The following TAF3 variants were observed in gnomAD, a reference collection of about 807,000 sequenced individuals.
TAF3 encodes TATA-box binding protein associated factor 3, also known as transcription initiation factor TFIID subunit 3.
Under a neutral mutation model 80.6 loss-of-function variants are expected in TAF3, and 7 were observed. The ratio of observed to expected loss-of-function variants is 0.09; its 90% confidence interval spans 0.05 to 0.16. The LOEUF is 0.16. Ranked by LOEUF, TAF3 falls within the 10% of genes least tolerant of loss-of-function variation. The pLI, the probability that TAF3 is intolerant of heterozygous loss-of-function variation, is 1.00. For missense variants in TAF3, 921 were observed against 1,140.2 expected (o/e 0.81, Z 2.77); for synonymous variants, 444 against 446.1 (o/e 1.00, Z 0.06).
chr10:7,824,237 C>A, intron 1 of TAF3, 81 bp from the exon 2 acceptor site: 1 of 1,473,890 alleles, frequency 6.8e-7, no homozygotes, highest in Non-Finnish European at 9.2e-7. Context: ...TGCATATTTA[C>A]TTACTACTTT....
chr10:7,914,037 A>G (rs368549752), intron 2 of TAF3, among the ~76,000 whole-genome samples: 9 of 152,350 alleles, frequency 5.9e-5, no homozygotes, highest in African/African-American at 1.7e-4. Context: ...ACCAATTGCA[A>G]TGTGGTCCTC....
chr10:7,974,516 G>A (rs1284012027), intron 3 of TAF3, among the ~76,000 whole-genome samples: 6 of 152,150 alleles, frequency 3.9e-5, no homozygotes, highest in African/African-American at 1.4e-4. Flanking sequence ...GGGCAGGGAT[G>A]AGATCACTAA....
chr10:7,826,983 A>G (rs967819474), intron 2 of TAF3, among the ~76,000 whole-genome samples: 1 of 152,174 alleles, frequency 6.6e-6, no homozygotes, highest in Non-Finnish European at 1.5e-5. Flanking sequence ...TATTTCCTTA[A>G]GAGCCACAGA....
At position 7,925,820 on chromosome 10, in the gene TAF3, A is replaced by AAGAG. The variant is rs1564364701; in HGVS notation, c.410-38099_410-38098insGAGA. 2.1e-5 allele frequency among the ~76,000 whole-genome samples: 3 copies of AAGAG among 142,770 alleles called. No homozygotes were observed. In the East Asian group the frequency reaches 6.4e-4, roughly 31 times the overall value. 93.7% of individuals were successfully genotyped at this position (142,770 alleles called of 152,430 possible). On this transcript the variant is annotated intron_variant, in intron 2 of 6. Coordinates refer to ENST00000344293, the MANE Select transcript of TAF3 (RefSeq NM_031923.4). The stretch of plus-strand genomic sequence containing the variant: ...TCTCAAAAAAAAAAAAAAGAAAAGA[A>AAGAG]AAGAAAAGAAAAAGGAAGGAAGGAA...
At chr10:7,878,631 C>T (rs534437918) in intron 2 of TAF3, among the ~76,000 whole-genome samples, 1 of 152,110 alleles carries the variant, frequency 6.6e-6, no homozygotes, top group Admixed American at 6.5e-5. Flanking sequence ...AGTGAGAAAC[C>T]CAGAGGCCAC....
intron 4 of TAF3, among the ~76,000 whole-genome samples, chr10:8,004,074 C>T (rs762142894): frequency 3.3e-4 from 50 of 150,618 alleles, no homozygotes; most frequent in Non-Finnish European, 5.8e-4. Context: ...TTTTTGAGAC[C>T]GATTCTTGCT....
chr10:7,924,433 T>C (rs933673909), intron 2 of TAF3, among the ~76,000 whole-genome samples: 1 of 152,188 alleles, frequency 6.6e-6, no homozygotes, highest in Non-Finnish European at 1.5e-5. Context: ...ATTTGGGAGT[T>C]TGAAATTCCC....
intron 2 of TAF3, among the ~76,000 whole-genome samples, chr10:7,929,457 T>A (rs115779339): frequency 0.014 from 2,186 of 152,186 alleles, 56 homozygotes; most frequent in African/African-American, 0.05. Flanking sequence ...GCTGGAGTGC[T>A]CCTGATCTTG....
rs749420041 is a variant in TAF3, at chr10:8,014,723, A to G, written c.2762A>G (p.His921Arg). Residue 921 changes from histidine to arginine, a missense_variant, in exon 7 of 7, where the codon CAC becomes CGC. This residue lies in a region of TAF3 where 29 missense variants were observed against 20.3 expected (regional missense o/e 1.43). Coordinates refer to ENST00000344293, the MANE Select transcript of TAF3 (RefSeq NM_031923.4). Reference protein sequence around the residue: ...KCANKKKDKKHKKRKHRAH With the variant: ...KCANKKKDKKRKKRKHRAH ...GCGAACAAGAAGAAGGACAAAAAGC[A>G]CAAGAAGAGGAAGCATCGAGCCCAC... 6 of 1,607,300 alleles carry G rather than the reference A, an allele frequency of 3.7e-6. No homozygotes were observed. In the East Asian group the frequency reaches 9.0e-5, roughly 24 times the overall value.
At chr10:7,841,302 C>T (rs1836910276) in intron 2 of TAF3, among the ~76,000 whole-genome samples, 2 of 152,198 alleles carry the variant, frequency 1.3e-5, no homozygotes, top group African/African-American at 4.8e-5. Flanking sequence ...AGCCTGCTGT[C>T]TGCAGGCTCA....
intron 2 of TAF3, among the ~76,000 whole-genome samples, chr10:7,950,566 T>G (rs1171386625): frequency 6.6e-6 from 1 of 152,246 alleles, no homozygotes; most frequent in Non-Finnish European, 1.5e-5. Context: ...AAGCAAAATC[T>G]TTTCTTTTAA....
In TAF3 at chr10:7,965,080, A is replaced by G; in HGVS notation, c.1570A>G (p.Lys524Glu). The G allele has an allele frequency of 6.2e-7, 1 of 1,614,092 alleles. No individual in the cohort carries two copies. The highest frequency in any genetic ancestry group is 1.3e-5 in the African/African-American group (1 of 75,040). The change falls in exon 3 of 7, where the codon AAG becomes GAG. Residue 524 changes from lysine (K) to glutamate (E), a missense_variant. Lys to Glu is a moderately conservative substitution (Grantham distance 56, BLOSUM62 1). Transcript: ENST00000344293. ...GCCTTCCTCCGTGGAGGTAAAGAAG[A>G]AGTTGAAAAAGGAACTAAAGACTAA... ...KLPSSVEVKK[K>E]LKKELKTKMK...
chr10:7,924,040 C>A (rs576275236), intron 2 of TAF3, among the ~76,000 whole-genome samples: 158 of 152,264 alleles, frequency 1.0e-3, no homozygotes, highest in Non-Finnish European at 1.8e-3. Context: ...TTTAGGCCAT[C>A]CTTTCATTAA....
chr10:7,980,868 C>T (rs1831719516), intron 4 of TAF3, among the ~76,000 whole-genome samples: 1 of 152,182 alleles, frequency 6.6e-6, no homozygotes, highest in South Asian at 2.1e-4. Flanking sequence ...GTTATTTGTC[C>T]TCCCCATCTT....
chr10:7,970,333 C>A (rs1184330112), intron 3 of TAF3, among the ~76,000 whole-genome samples: 1 of 152,202 alleles, frequency 6.6e-6, no homozygotes, highest in East Asian at 1.9e-4. Flanking sequence ...CCAGGCCTTG[C>A]CAGAATTCAA....
intron 4 of TAF3, among the ~76,000 whole-genome samples, chr10:7,982,630 C>T (rs1831736228): frequency 6.6e-6 from 1 of 152,176 alleles, no homozygotes; most frequent in Non-Finnish European, 1.5e-5. Flanking sequence ...AAACTCCTAA[C>T]CTCCGGTGAT....
At chr10:7,907,990 T>C (rs1274145769) in intron 2 of TAF3, among the ~76,000 whole-genome samples, 1 of 152,176 alleles carries the variant, frequency 6.6e-6, no homozygotes, top group Non-Finnish European at 1.5e-5. Flanking sequence ...AGGAGATACG[T>C]AGAAGAAGTT....
At position 7,845,682 on chromosome 10, in the gene TAF3, AATGAAG is replaced by A. The variant is rs1444746455; in HGVS notation, c.409+21130_409+21135del. 1.4e-4 allele frequency among the ~76,000 whole-genome samples: 22 copies of A among 152,302 alleles called. No individual in the cohort carries two copies. The South Asian group carries it at 2.9e-3, about 20-fold the overall frequency. ...AGTGAAGGTGAGAGGTCTCATCTGA[AATGAAG>A]ATGAAGAGCCTTACTCCGTGTGGCT... On this transcript the variant is annotated intron_variant, in intron 2 of 6. Coordinates refer to ENST00000344293, the MANE Select transcript of TAF3 (RefSeq NM_031923.4).
chr10:7,867,937 ATAAAT>A (rs1049099667), intron 2 of TAF3, among the ~76,000 whole-genome samples: 20 of 152,342 alleles, frequency 1.3e-4, no homozygotes, highest in African/African-American at 4.6e-4. Flanking sequence ...TATTCTTACA[ATAAAT>A]TAAGTTAGAG....
Sources: allele counts gnomAD v4.1 joint callset (sites outside exome capture counted in the v4.1 genomes callset), GRCh38; gene constraint gnomAD v4.1.1; regional missense constraint gnomAD v4.1.1; transcripts MANE v1.5; gene names NCBI Gene and HGNC (gene_info 2026-07-23, HGNC 2026-07-21).